Variants in COL5A1 observed in about 807,000 individuals in gnomAD.
COL5A1 encodes collagen type V alpha 1 chain, also known as collagen alpha-1(V) chain.
COL5A1 carries 16 observed loss-of-function variants against 263.7 expected under a neutral mutation model. That is an observed-to-expected ratio of 0.06 (90% CI 0.04 to 0.09). The LOEUF (loss-of-function observed/expected upper bound fraction) is 0.09. COL5A1 is among the 10% of genes least tolerant of loss of function. The probability of loss-of-function intolerance (pLI) is 1.00; values close to 1 mark genes in which losing one functional copy is unlikely to be tolerated. For missense variants in COL5A1, 2,036 were observed against 2,540.5 expected (o/e 0.80, Z 4.27); for synonymous variants, 1,012 against 1,004.5 (o/e 1.01, Z -0.14).
Position 134,823,467 on chromosome 9 carries a change from C to A in COL5A1, c.4696C>A (p.Pro1566Thr), listed in dbSNP as rs1401332392. ...AGGCCACCCAGGACCCCCAGGCCCC[C>A]CGGTAAGTAGCCCTTGAAGCCCAGA... ...EAGHPGPPGP[P>T]GPPGEVIQPL... The change falls in exon 61 of 66, where the codon CCG (proline) becomes ACG (threonine). Residue 1566 changes from proline to threonine, a missense_variant and splice_region_variant. Physicochemically the swap from Pro to Thr is conservative, Grantham distance 38. This residue lies in a region of COL5A1 where 358 missense variants were observed against 384.6 expected (regional missense o/e 0.93). Transcript: ENST00000371817. The A allele has an allele frequency of 6.2e-7, 1 of 1,614,188 alleles. No homozygotes were observed. Among genetic ancestry groups the A allele is most frequent in the East Asian group, 2.2e-5 (1 of 44,886 alleles).
rs887618998 is a variant in COL5A1, at chr9:134,843,393, A to G, written c.*1090A>G. ...TTGTGGCTCTCTTGTGGTGCTATCT[A>G]TCTGTTTTAAGGTCTCCTTGAAGGC... On this transcript the variant is annotated 3_prime_UTR_variant, in exon 66 of 66. Transcript: ENST00000371817. 1 of 132,262 alleles carries G rather than the reference A, an allele frequency of 7.6e-6. No homozygotes were observed. The highest frequency in any genetic ancestry group is 2.8e-5 in the African/African-American group (1 of 35,510). 8.2% of individuals were successfully genotyped at this position (132,262 alleles called of 1,614,324 possible). A position where few individuals can be genotyped will look rare whatever the true frequency, so the allele number is the denominator to read the frequency against.
intron 1 of COL5A1, among the ~76,000 whole-genome samples, chr9:134,662,715 C>A (rs1439717786): frequency 6.6e-6 from 1 of 152,246 alleles, no homozygotes; most frequent in Non-Finnish European, 1.5e-5. Context: ...GCTTTCACAG[C>A]TCTAGAGTGA....
chr9:134,811,593 G>C lies in COL5A1; in HGVS notation c.3684G>C (p.Gly1228=). 6.4e-7 allele frequency: 1 copy of C among 1,555,524 alleles called. No individual in the cohort carries two copies. The highest frequency in any genetic ancestry group is 1.4e-5 in the African/African-American group (1 of 73,252). ...RGFPGPPGPV[G]LQGLPGPPGE... ...TTCCTGGACCCCCTGGGCCAGTGGGGCTGCAGGTAACTGTGGGGTTCTCAC... is the reference window on the plus strand; with the variant it reads ...TTCCTGGACCCCCTGGGCCAGTGGGCCTGCAGGTAACTGTGGGGTTCTCAC... Residue 1228 remains glycine (G), a synonymous_variant, in exon 46 of 66, where the codon GGG becomes GGC. Transcript: ENST00000371817.
chr9:134,819,253 C>T (rs148353150), intron 57 of COL5A1, among the ~76,000 whole-genome samples, 200 bp downstream of exon 57: 2 of 152,240 alleles, frequency 1.3e-5, no homozygotes, highest in African/African-American at 4.8e-5. Flanking sequence ...TCTGGGGGGT[C>T]CTGAGCAGCT....
intron 1 of COL5A1, among the ~76,000 whole-genome samples, chr9:134,654,453 T>G (rs1033026568): frequency 3.2e-3 from 82 of 25,674 alleles, no homozygotes; most frequent in Non-Finnish European, 3.9e-3. Context: ...GTAGGGCTGG[T>G]GTGTGTAGGG....
At chr9:134,725,251 C>A (rs78421381) in intron 4 of COL5A1, among the ~76,000 whole-genome samples, 2,121 of 152,244 alleles carry the variant, frequency 0.014, 20 homozygotes, top group Middle Eastern at 0.048. Flanking sequence ...GCTGGGGGAC[C>A]CTGGACAGGT....
intron 1 of COL5A1, among the ~76,000 whole-genome samples, chr9:134,671,196 G>A (rs1308661295): frequency 2.6e-5 from 4 of 152,232 alleles, no homozygotes; most frequent in South Asian, 2.1e-4. Context: ...CAGCTCCTGC[G>A]CATGAGACAC....
chr9:134,801,989 C>T lies in COL5A1; in HGVS notation c.2988C>T (p.Pro996=), dbSNP rs374409202. The T allele has an allele frequency of 3.2e-5, 51 of 1,613,290 alleles. No homozygotes were observed. Among genetic ancestry groups the T allele is most frequent in the Middle Eastern group, 3.3e-4 (2 of 6,084 alleles). The part of the protein sequence containing the change: ...FQGKTGPPGP[P]GVVGPQGPTG... ...GCAAGACCGGCCCTCCAGGCCCCCC[C>T]GGCGTGGTCGGCCCTCAGGTAAGCT... Residue 996 remains proline (P), a synonymous_variant, in exon 38 of 66, where the codon CCC becomes CCT. Transcript: ENST00000371817.
intron 4 of COL5A1, among the ~76,000 whole-genome samples, chr9:134,707,532 C>G (rs1030226812): frequency 4.4e-4 from 13 of 29,426 alleles, no homozygotes; most frequent in African/African-American, 2.0e-3. Context: ...CGGAGGCACC[C>G]TGGGATTCCT....
At chr9:134,717,280 C>T (rs1834298712) in intron 4 of COL5A1, among the ~76,000 whole-genome samples, 2 of 152,172 alleles carry the variant, frequency 1.3e-5, no homozygotes, top group Admixed American at 6.5e-5. Context: ...AAGCCCCGTG[C>T]AAGAGACTGC....
In COL5A1 at chr9:134,690,348, C is replaced by T. The variant is rs532418937; in HGVS notation, c.110-564C>T. ...ACTAGGCCAGTGACATCCCCGTGACCTCTGGAGGGGCCTCAGGTGGGGTGA... is the reference window on the plus strand; with the variant it reads ...ACTAGGCCAGTGACATCCCCGTGACTTCTGGAGGGGCCTCAGGTGGGGTGA... On this transcript the variant is annotated intron_variant, in intron 1 of 65. Coordinates refer to ENST00000371817, the MANE Select transcript of COL5A1 (RefSeq NM_000093.5). Among the ~76,000 whole-genome samples, 1,223 of 152,264 alleles carry T rather than the reference C, an allele frequency of 8.0e-3. 20 individuals carry two copies. The highest frequency in any genetic ancestry group is 0.027 in the African/African-American group (1,124 of 41,554).
chr9:134,825,736 T>G lies in COL5A1; in HGVS notation c.4955-56T>G, dbSNP rs1839238318. 3.4e-6 allele frequency: 4 copies of G among 1,193,158 alleles called. 1 individual carries two copies. In the South Asian group the frequency reaches 4.9e-5, roughly 15 times the overall value. 73.9% of individuals were successfully genotyped at this position (1,193,158 alleles called of 1,614,324 possible). ...AATGTCACAGCGGCTTCCGGAACCA[T>G]CCAGGGAGCAATCCTTCTGACTCTG... On this transcript the variant is annotated intron_variant, in intron 62 of 65. Transcript: ENST00000371817.
intron 33 of COL5A1, 44 bp downstream of exon 33, chr9:134,795,170 C>T (rs201788304): frequency 2.5e-6 from 4 of 1,613,694 alleles, no homozygotes; most frequent in Non-Finnish European, 3.4e-6. Context: ...GAAACGGGAG[C>T]ATGGTTTAGG....
intron 29 of COL5A1, among the ~76,000 whole-genome samples, 169 bp from the exon 30 acceptor site, chr9:134,784,820 C>T (rs1837392768): frequency 6.6e-6 from 1 of 152,244 alleles, no homozygotes; most frequent in Non-Finnish European, 1.5e-5. Context: ...CTCGCTTTGT[C>T]AGTGGCTCCG....
At chr9:134,726,312 A>ATGGG (rs779803259) in intron 4 of COL5A1, among the ~76,000 whole-genome samples, 4 of 152,048 alleles carry the variant, frequency 2.6e-5, no homozygotes, top group Non-Finnish European at 5.9e-5. Context: ...GGATGGGTGG[A>ATGGG]TGGGTGGAAG....
At chr9:134,823,160 A>G (rs1217995660) in intron 60 of COL5A1, 127 bp downstream of exon 60, 6 of 1,201,864 alleles carry the variant, frequency 5.0e-6, no homozygotes, top group African/African-American at 1.5e-5. Flanking sequence ...CGATCCTCCC[A>G]TCTTTCTACA....
intron 37 of COL5A1, among the ~76,000 whole-genome samples, chr9:134,799,985 G>A (rs1838048505): frequency 6.6e-6 from 1 of 152,178 alleles, no homozygotes; most frequent in Non-Finnish European, 1.5e-5. Context: ...CATGGCGCTG[G>A]AGTGATGCCT....
chr9:134,736,620 C>T (rs1433199075), intron 9 of COL5A1, among the ~76,000 whole-genome samples: 2 of 152,226 alleles, frequency 1.3e-5, no homozygotes, highest in Admixed American at 6.5e-5. Context: ...AATTCATGTC[C>T]TTCTCACATA....
rs2132641715 is a variant in COL5A1 at position 134,731,407 on chromosome 9, G to C, written c.1165-89G>C. On this transcript the variant is annotated intron_variant, in intron 7 of 65. Coordinates refer to ENST00000371817, the MANE Select transcript of COL5A1 (RefSeq NM_000093.5). ...TCTGGGATCTCTGCCCAGTTGACCG[G>C]ATAGCCACAGTGCCCGCCCAGGGCC... 8.1e-6 allele frequency: 11 copies of C among 1,355,366 alleles called. No individual in the cohort carries two copies. The South Asian group carries it at 1.2e-4, about 15-fold the overall frequency. 84.0% of individuals were successfully genotyped at this position (1,355,366 alleles called of 1,614,324 possible).
Sources: gnomAD v4.1 joint callset for allele counts (sites outside exome capture counted in the v4.1 genomes callset) on GRCh38, gnomAD v4.1.1 for gene constraint, gnomAD v4.1.1 regional missense constraint, MANE v1.5 for transcripts, NCBI Gene and HGNC (gene_info 2026-07-23, HGNC 2026-07-21) for gene names.